Variants in PLXNA2 observed in about 807,000 individuals in gnomAD.
PLXNA2 encodes plexin-A2.
In PLXNA2, 91 loss-of-function variants were observed where a neutral mutation model predicts 193.5. The ratio of observed to expected loss-of-function variants is 0.47; its 90% CI spans 0.40 to 0.56. The LOEUF is 0.56. Ranked by LOEUF, PLXNA2 falls within the 20% of genes least tolerant of loss-of-function variation. The pLI, the probability that PLXNA2 is intolerant of heterozygous loss-of-function variation, is 0.00. For missense variants in PLXNA2, 1,995 were observed against 2,503.2 expected (o/e 0.80, Z 4.33); for synonymous variants, 997 against 1,027.3 (o/e 0.97, Z 0.56).
chr1:208,047,519 C>T (rs12745090), intron 17 of PLXNA2, among the ~76,000 whole-genome samples: 48 of 152,334 alleles, frequency 3.2e-4, no homozygotes, highest in Non-Finnish European at 4.7e-4. Context: ...AAAGGGCCCA[C>T]GTGGGGCTTG....
Position 208,217,360 on chromosome 1 carries a change from A to G in PLXNA2, c.563T>C (p.Val188Ala), listed in dbSNP as rs1341557974. Residue 188 changes from valine to alanine, a missense_variant, in exon 2 of 32, where the codon GTG becomes GCG. Physicochemically the swap from Val to Ala is moderately conservative, Grantham distance 64. Transcript: ENST00000367033. This position sits in a 1 kb window ranked among gnomAD's most constrained non-coding sequence, Gnocchi z 4.7. ...CGGGAAGTAATCCTGCTTCCCATCC[A>G]CAGCCGTGCCGATGAAGAGCTTGCC... ...EDGKLFIGTA[V>A]DGKQDYFPTL... 1.2e-6 allele frequency: 2 copies of G among 1,614,174 alleles called. No homozygotes were observed. Among genetic ancestry groups the G allele is most frequent in the East Asian group, 2.2e-5 (1 of 44,876 alleles).
intron 2 of PLXNA2, 136 bp downstream of exon 2, chr1:208,216,599 C>T: frequency 1.0e-6 from 1 of 971,092 alleles, no homozygotes; most frequent in Non-Finnish European, 1.5e-6. Flanking sequence ...TGGTTACCAC[C>T]TGATAACCTG....
At chr1:208,162,704 C>A (rs552534245) in intron 3 of PLXNA2, among the ~76,000 whole-genome samples, 10 of 152,182 alleles carry the variant, frequency 6.6e-5, no homozygotes, top group African/African-American at 2.4e-4. Flanking sequence ...TAAATGCCTA[C>A]AATAGCTCTA....
At chr1:208,119,473 C>T (rs966059217) in intron 4 of PLXNA2, among the ~76,000 whole-genome samples, 1 of 152,250 alleles carries the variant, frequency 6.6e-6, no homozygotes, top group African/African-American at 2.4e-5. Context: ...TCAAATCAAT[C>T]CTTCACTAAG....
At chr1:208,091,034 C>T (rs1489473305) in intron 9 of PLXNA2, among the ~76,000 whole-genome samples, 1 of 152,206 alleles carries the variant, frequency 6.6e-6, no homozygotes, top group Non-Finnish European at 1.5e-5. Context: ...AGTTAATCTC[C>T]AGTGTCCAGG....
intron 4 of PLXNA2, among the ~76,000 whole-genome samples, chr1:208,106,729 G>A (rs1003431449): frequency 6.6e-6 from 1 of 152,246 alleles, no homozygotes; most frequent in South Asian, 2.1e-4. Flanking sequence ...AATTTCACCT[G>A]TTCTTCTTCC....
chr1:208,240,773 T>A (rs1282858841), intron 1 of PLXNA2, among the ~76,000 whole-genome samples: 1 of 90,036 alleles, frequency 1.1e-5, no homozygotes, highest in African/African-American at 4.5e-5. Flanking sequence ...GGGTGGGGGG[T>A]GGGGGCTTGG....
At chr1:208,173,208 C>G (rs772810229) in intron 3 of PLXNA2, among the ~76,000 whole-genome samples, 3 of 152,148 alleles carry the variant, frequency 2.0e-5, no homozygotes, top group East Asian at 1.9e-4. Flanking sequence ...GTACTTGGAA[C>G]AGTAGATGGC....
chr1:208,119,785 T>C (rs1161184400), intron 4 of PLXNA2, among the ~76,000 whole-genome samples: 2 of 152,154 alleles, frequency 1.3e-5, no homozygotes, highest in Non-Finnish European at 2.9e-5. Flanking sequence ...AATTTAATTT[T>C]TGTATTTTTA....
At chr1:208,159,408 C>T (rs915052099) in intron 3 of PLXNA2, among the ~76,000 whole-genome samples, 4 of 152,240 alleles carry the variant, frequency 2.6e-5, no homozygotes, top group Non-Finnish European at 4.4e-5. Flanking sequence ...CTCAAAATCA[C>T]CAAGCAAACA....
intron 26 of PLXNA2, among the ~76,000 whole-genome samples, chr1:208,036,132 C>T (rs1334375877): frequency 1.3e-5 from 2 of 152,180 alleles, no homozygotes; most frequent in Non-Finnish European, 2.9e-5. Flanking sequence ...CTGTTGGTAC[C>T]ATCAGCACTA....
At chr1:208,140,755 T>C (rs1244804136) in intron 4 of PLXNA2, among the ~76,000 whole-genome samples, 1 of 152,240 alleles carries the variant, frequency 6.6e-6, no homozygotes, top group Non-Finnish European at 1.5e-5. Context: ...AAACAAATAA[T>C]GTTTTCCCTT....
Position 208,039,027 on chromosome 1 carries a change from G to A in PLXNA2, c.4501-43C>T, listed in dbSNP as rs1664768891. On this transcript the variant is annotated intron_variant, in intron 24 of 31. Coordinates refer to ENST00000367033, the MANE Select transcript of PLXNA2 (RefSeq NM_025179.4). ...AGGGTGAGCAGGACAGGAGTTGAAG[G>A]AGTAGTTTGAGGGAGAGGGTCAGGA... 1.9e-6 allele frequency: 3 copies of A among 1,582,094 alleles called. No homozygotes were observed. In the African/African-American group the frequency reaches 4.0e-5, roughly 21 times the overall value.
chr1:208,041,193 T>A (rs1029886707), intron 22 of PLXNA2, among the ~76,000 whole-genome samples: 1 of 152,150 alleles, frequency 6.6e-6, no homozygotes, highest in Non-Finnish European at 1.5e-5. Flanking sequence ...TCAGTACTCA[T>A]AAAGCAAAGC....
At chr1:208,093,732 CT>C (rs760665261) in intron 8 of PLXNA2, among the ~76,000 whole-genome samples, 5 of 152,172 alleles carry the variant, frequency 3.3e-5, no homozygotes, top group Non-Finnish European at 7.3e-5. Context: ...GTGGTATGTG[CT>C]TTTCTTGCCA....
At chr1:208,073,080 T>C (rs1666024919) in intron 12 of PLXNA2, among the ~76,000 whole-genome samples, 1 of 152,224 alleles carries the variant, frequency 6.6e-6, no homozygotes, top group Admixed American at 6.5e-5. Flanking sequence ...TTTCCCCAAC[T>C]CTTAAGTGAA....
intron 20 of PLXNA2, 91 bp from the exon 21 acceptor site, chr1:208,043,294 G>T: frequency 7.7e-7 from 1 of 1,291,804 alleles, no homozygotes; most frequent in Non-Finnish European, 1.1e-6. Context: ...GACGAGGGGA[G>T]GACCTTTTGT....
At chr1:208,112,343 G>T (rs1667507633) in intron 4 of PLXNA2, among the ~76,000 whole-genome samples, 1 of 152,234 alleles carries the variant, frequency 6.6e-6, no homozygotes, top group Admixed American at 6.5e-5. Flanking sequence ...GAAGGGGACA[G>T]CCCTCAGTTT....
chr1:208,112,245 T>C (rs562575505), intron 4 of PLXNA2, among the ~76,000 whole-genome samples: 1 of 152,212 alleles, frequency 6.6e-6, no homozygotes, highest in Non-Finnish European at 1.5e-5. Context: ...TACAGTGGAA[T>C]TCAACCCTTG....
Sources: allele counts gnomAD v4.1 joint callset (sites outside exome capture counted in the v4.1 genomes callset), GRCh38; gene constraint gnomAD v4.1.1; non-coding constraint Gnocchi (gnomAD v3.1); transcripts MANE v1.5; gene names NCBI Gene and HGNC (gene_info 2026-07-23, HGNC 2026-07-21).